Variants in ATAD1 observed in about 807,000 individuals in gnomAD.
The protein encoded by ATAD1 is outer mitochondrial transmembrane helix translocase.
Under a neutral mutation model 42.7 loss-of-function variants are expected in ATAD1, and 18 were observed. The ratio of observed to expected loss-of-function variants is 0.42; its 90% confidence interval spans 0.29 to 0.63. The LOEUF (loss-of-function observed/expected upper bound fraction) is 0.63. ATAD1 is among the 20% of genes least tolerant of loss of function. The pLI, the probability that ATAD1 is intolerant of heterozygous loss-of-function variation, is 0.19. For synonymous variants in ATAD1, 132 were observed against 143.1 expected, an observed-to-expected ratio of 0.92 and a Z score of 0.55; for missense variants, 294 against 440.4, an observed-to-expected ratio of 0.67 and a Z score of 2.98.
At chr10:87,763,248 T>C (rs936535440) in intron 8 of ATAD1, among the ~76,000 whole-genome samples, 16 of 152,134 alleles carry the variant, frequency 1.1e-4, no homozygotes, top group African/African-American at 3.6e-4. Context: ...TTTATCTCAT[T>C]CTTAAAGGGC....
intron 1 of ATAD1, among the ~76,000 whole-genome samples, chr10:87,817,488 G>A (rs1857472151): frequency 6.6e-6 from 1 of 152,224 alleles, no homozygotes; most frequent in Non-Finnish European, 1.5e-5. Context: ...GGAAAACCGT[G>A]AAATCGTACT....
At chr10:87,772,411 C>A (rs1445753285) in intron 6 of ATAD1, among the ~76,000 whole-genome samples, 1 of 151,844 alleles carries the variant, frequency 6.6e-6, no homozygotes, top group Non-Finnish European at 1.5e-5. Context: ...CCACACCCAG[C>A]CTCTTTATTG....
chr10:87,810,982 T>C (rs1185648783), intron 2 of ATAD1, among the ~76,000 whole-genome samples: 1 of 152,138 alleles, frequency 6.6e-6, no homozygotes, highest in Non-Finnish European at 1.5e-5. Context: ...TTTCTGAAAT[T>C]TTTGCCTTAA....
intron 5 of ATAD1, among the ~76,000 whole-genome samples, chr10:87,779,240 G>C (rs1407126430): frequency 6.6e-6 from 1 of 152,236 alleles, no homozygotes; most frequent in Non-Finnish European, 1.5e-5. Context: ...AGAGGTTGCA[G>C]AGAGCTGAGG....
chr10:87,817,528 T>TATAGCATTCATAGC (rs1221183580), intron 1 of ATAD1, among the ~76,000 whole-genome samples: 3 of 152,238 alleles, frequency 2.0e-5, no homozygotes, highest in African/African-American at 7.2e-5. Context: ...TATTGACATG[T>TATAGCATTCATAGC]ATAGCATTCA....
At chr10:87,824,514 A>G (rs1438180001) in intron 1 of ATAD1, among the ~76,000 whole-genome samples, 2 of 152,194 alleles carry the variant, frequency 1.3e-5, no homozygotes, top group African/African-American at 4.8e-5. Context: ...TACACATGCC[A>G]TGGACTTGCA....
chr10:87,811,103 C>G (rs754152535), intron 2 of ATAD1, among the ~76,000 whole-genome samples: 1 of 152,068 alleles, frequency 6.6e-6, no homozygotes, highest in Non-Finnish European at 1.5e-5. Context: ...GAGGCCAAAG[C>G]GGGCAGATCA....
intron 8 of ATAD1, among the ~76,000 whole-genome samples, chr10:87,758,062 T>C (rs935922029): frequency 6.6e-6 from 1 of 152,212 alleles, no homozygotes; most frequent in Admixed American, 6.5e-5. Flanking sequence ...ACTTTAGCTA[T>C]ATAAATAGTA....
intron 1 of ATAD1, among the ~76,000 whole-genome samples, chr10:87,834,108 A>G (rs1054943310): frequency 6.6e-6 from 1 of 152,178 alleles, no homozygotes; most frequent in African/African-American, 2.4e-5. Context: ...TGATCTTTTG[A>G]ATATTGATCC....
chr10:87,831,300 G>A (rs1857824579), intron 1 of ATAD1, among the ~76,000 whole-genome samples: 1 of 152,148 alleles, frequency 6.6e-6, no homozygotes, highest in South Asian at 2.1e-4. Context: ...GTCATCCCAT[G>A]TTCAGAGAAC....
upstream of ATAD1, chr10:87,818,579 AT>A (rs561647932): frequency 3.6e-4 from 55 of 152,102 alleles, no homozygotes; most frequent in African/African-American, 1.3e-3. Flanking sequence ...CAGCAAATAC[AT>A]TCTCTCCTTC....
At chr10:87,805,502 T>C (rs1856881379) in intron 2 of ATAD1, among the ~76,000 whole-genome samples, 1 of 152,168 alleles carries the variant, frequency 6.6e-6, no homozygotes, top group Non-Finnish European at 1.5e-5. Flanking sequence ...TCTTCAAACA[T>C]GCCCTAATAT....
chr10:87,803,883 T>A (rs558124749), intron 2 of ATAD1, among the ~76,000 whole-genome samples: 1 of 152,366 alleles, frequency 6.6e-6, no homozygotes, highest in Admixed American at 6.5e-5. Context: ...TGCTTTTCTT[T>A]CCTCATCACT....
chr10:87,807,595 A>G (rs967375175), intron 2 of ATAD1, among the ~76,000 whole-genome samples: 1 of 151,880 alleles, frequency 6.6e-6, no homozygotes, highest in African/African-American at 2.4e-5. Flanking sequence ...TTTCTTTTTT[A>G]ATGTGTCTAT....
chr10:87,814,319 A>G (rs1483634322), intron 2 of ATAD1, 119 bp downstream of exon 2: 11 of 905,516 alleles, frequency 1.2e-5, no homozygotes, highest in Non-Finnish European at 1.4e-5. Flanking sequence ...GTACCAATAC[A>G]TTTTCATGTG....
intron 1 of ATAD1, among the ~76,000 whole-genome samples, chr10:87,825,738 G>C (rs577659044): frequency 2.6e-5 from 4 of 151,276 alleles, no homozygotes; most frequent in East Asian, 1.9e-4. Flanking sequence ...GTCTCGCTCT[G>C]TTGCCCAGGT....
chr10:87,778,314 G>C (rs1170513421), intron 5 of ATAD1, among the ~76,000 whole-genome samples: 1 of 151,138 alleles, frequency 6.6e-6, no homozygotes, highest in Non-Finnish European at 1.5e-5. Context: ...TGCTTGCTTA[G>C]AAGAAACATA....
chr10:87,828,860 T>C (rs1393740620), intron 1 of ATAD1, among the ~76,000 whole-genome samples: 2 of 152,228 alleles, frequency 1.3e-5, no homozygotes, highest in African/African-American at 4.8e-5. Flanking sequence ...CTGCCTGTGC[T>C]TTATAAATGG....
chr10:87,795,540 T>A (rs2131957842), intron 2 of ATAD1, among the ~76,000 whole-genome samples: 2 of 149,252 alleles, frequency 1.3e-5, no homozygotes, highest in South Asian at 4.2e-4. Context: ...GGATGGGGAG[T>A]GTGTGGGGGC....
Sources: gnomAD v4.1 joint callset for allele counts (sites outside exome capture counted in the v4.1 genomes callset) on GRCh38, gnomAD v4.1.1 for gene constraint, MANE v1.5 for transcripts, NCBI Gene and HGNC (gene_info 2026-07-23, HGNC 2026-07-21) for gene names.